MALRD1: variants seen among roughly 807,000 people sequenced by gnomAD.
MALRD1 encodes MAM and LDL receptor class A domain containing 1.
MALRD1 carries 247 observed loss-of-function variants against 242.1 expected under a neutral mutation model. That is an observed-to-expected ratio of 1.02 (90% confidence interval 0.92 to 1.13). The LOEUF is 1.13. Among genes scored for constraint, MALRD1 ranks in the 50% most tolerant of loss-of-function variants. The probability of loss-of-function intolerance (pLI) is 0.00; values close to 1 mark genes in which losing one functional copy is unlikely to be tolerated. For synonymous variants in MALRD1, 995 were observed against 866.6 expected (o/e 1.15, Z -2.60); for missense variants, 2,989 against 2,533.1 (o/e 1.18, Z -3.86).
At chr10:19,325,261 TAA>T (rs1267848009) in intron 22 of MALRD1, among the ~76,000 whole-genome samples, 5 of 152,182 alleles carry the variant, frequency 3.3e-5, no homozygotes, top group Admixed American at 6.6e-5. Flanking sequence ...GATTTGGAAA[TAA>T]GAGTCCCTCT....
intron 28 of MALRD1, among the ~76,000 whole-genome samples, chr10:19,393,404 T>C (rs544426844): frequency 6.6e-6 from 1 of 151,932 alleles, no homozygotes; most frequent in East Asian, 1.9e-4. Flanking sequence ...TCCCACTATT[T>C]TACCTATTTT....
intron 38 of MALRD1, among the ~76,000 whole-genome samples, chr10:19,718,537 G>A (rs890711128): frequency 1.3e-5 from 2 of 152,098 alleles, no homozygotes; most frequent in Non-Finnish European, 2.9e-5. Flanking sequence ...CCTTTCCTGG[G>A]GATCTGCCCC....
intron 21 of MALRD1, among the ~76,000 whole-genome samples, chr10:19,313,694 T>A (rs1027545233): frequency 1.3e-5 from 2 of 151,644 alleles, no homozygotes; most frequent in African/African-American, 4.8e-5. Context: ...CTTAGAGTCC[T>A]ATTTGAAATT....
At chr10:19,442,137 C>G (rs916737003) in intron 28 of MALRD1, among the ~76,000 whole-genome samples, 1 of 152,024 alleles carries the variant, frequency 6.6e-6, no homozygotes, top group Admixed American at 6.6e-5. Context: ...CTCTGTTAGT[C>G]TGTTATTGGT....
intron 13 of MALRD1, among the ~76,000 whole-genome samples, chr10:19,171,664 G>T (rs1371184639): frequency 3.5e-5 from 5 of 142,114 alleles, no homozygotes; most frequent in African/African-American, 1.3e-4. Flanking sequence ...ATGTCTATGT[G>T]TGTATATAAA....
intron 28 of MALRD1, among the ~76,000 whole-genome samples, chr10:19,424,443 A>G (rs1024137447): frequency 6.6e-6 from 1 of 152,216 alleles, no homozygotes; most frequent in Non-Finnish European, 1.5e-5. Context: ...CACAGGCATG[A>G]GCCACCATGC....
chr10:19,597,465 C>G (rs1285922414), intron 34 of MALRD1, among the ~76,000 whole-genome samples: 2 of 152,070 alleles, frequency 1.3e-5, no homozygotes, highest in Non-Finnish European at 1.5e-5. Flanking sequence ...AATTCTAGAG[C>G]AAAATTATAG....
intron 38 of MALRD1, chr10:19,722,225 T>C (rs924881450): frequency 6.6e-6 from 1 of 152,120 alleles, no homozygotes; most frequent in African/African-American, 2.4e-5. Context: ...AGTTGCTCCA[T>C]CTGTAATAGA....
At chr10:19,070,079 T>C (rs1835095630) in intron 2 of MALRD1, among the ~76,000 whole-genome samples, 1 of 152,266 alleles carries the variant, frequency 6.6e-6, no homozygotes, top group South Asian at 2.1e-4. Flanking sequence ...ATAATTTCAA[T>C]CGATCTATCT....
intron 36 of MALRD1, among the ~76,000 whole-genome samples, chr10:19,667,090 A>G (rs1323051076): frequency 6.6e-6 from 1 of 152,078 alleles, no homozygotes; most frequent in Admixed American, 6.6e-5. Flanking sequence ...CTCCAGCTGC[A>G]CCCCAGAAGG....
chr10:19,360,704 G>A (rs1408918042), intron 26 of MALRD1, among the ~76,000 whole-genome samples: 1 of 151,936 alleles, frequency 6.6e-6, no homozygotes, highest in Non-Finnish European at 1.5e-5. Flanking sequence ...ATAGTAAACA[G>A]CCTTATAAAT....
At chr10:19,131,120 A>C (rs776200403) in intron 8 of MALRD1, among the ~76,000 whole-genome samples, 18 of 152,118 alleles carry the variant, frequency 1.2e-4, no homozygotes, top group Non-Finnish European at 2.5e-4. Flanking sequence ...ATCTGCATCA[A>C]AGTACATTTA....
chr10:19,457,173 T>C lies in MALRD1; in HGVS notation c.5029+6683T>C, dbSNP rs538780408. On this transcript the variant is annotated intron_variant, in intron 29 of 39. Transcript: ENST00000454679. ...CAAATATCAGCTGAGTTGATTTCCC[T>C]CCTGATGCTTAATGGCATGGAAACA... Among the ~76,000 whole-genome samples, 3 of 152,240 alleles carry C rather than the reference T, an allele frequency of 2.0e-5. No homozygotes were observed. The South Asian group carries it at 6.2e-4, about 32-fold the overall frequency.
intron 5 of MALRD1, among the ~76,000 whole-genome samples, chr10:19,116,877 T>C (rs1231519663): frequency 1.3e-5 from 2 of 151,866 alleles, no homozygotes; most frequent in Non-Finnish European, 2.9e-5. Flanking sequence ...TCACCTGAGG[T>C]CAGGAGTTCG....
intron 28 of MALRD1, among the ~76,000 whole-genome samples, chr10:19,397,683 C>T (rs1311029109): frequency 6.6e-6 from 1 of 151,956 alleles, no homozygotes; most frequent in African/African-American, 2.4e-5. Flanking sequence ...AATGGCTGTA[C>T]TAATTTATAA....
At chr10:19,637,323 C>T (rs930042979) in intron 36 of MALRD1, among the ~76,000 whole-genome samples, 2 of 151,990 alleles carry the variant, frequency 1.3e-5, no homozygotes, top group Admixed American at 6.6e-5. Flanking sequence ...GAAAACTATC[C>T]TACTTATTTG....
chr10:19,352,999 CT>C (rs1046948524), intron 26 of MALRD1, among the ~76,000 whole-genome samples: 3 of 151,602 alleles, frequency 2.0e-5, no homozygotes, highest in East Asian at 1.9e-4. Flanking sequence ...ATAGATACTA[CT>C]TTTTTTTTCT....
intron 30 of MALRD1, among the ~76,000 whole-genome samples, chr10:19,497,559 T>C (rs1215833624): frequency 1.3e-5 from 2 of 152,112 alleles, no homozygotes; most frequent in Admixed American, 6.5e-5. Flanking sequence ...ATATATTTAG[T>C]ATCTATTCTT....
At chr10:19,110,952 A>T (rs2131352645) in intron 5 of MALRD1, among the ~76,000 whole-genome samples, 1 of 152,320 alleles carries the variant, frequency 6.6e-6, no homozygotes, top group South Asian at 2.1e-4. Flanking sequence ...GGTTGCTGCC[A>T]TTGAAACTGT....
Sources: allele counts gnomAD v4.1 joint callset (sites outside exome capture counted in the v4.1 genomes callset), GRCh38; gene constraint gnomAD v4.1.1; transcripts MANE v1.5; gene names NCBI Gene and HGNC (gene_info 2026-07-23, HGNC 2026-07-21).